Variants in ROR1 observed in about 807,000 individuals in gnomAD.
The protein encoded by ROR1 is ROR family WNT receptor 1.
ROR1 carries 19 observed loss-of-function variants against 78.8 expected under a neutral mutation model. That is an observed-to-expected ratio of 0.24 (90% CI 0.17 to 0.35). The LOEUF (loss-of-function observed/expected upper bound fraction) is 0.35, where lower values mean the gene tolerates loss of function less well. Among genes scored for constraint, ROR1 ranks in the 10% least tolerant of loss-of-function variants. The pLI is 1.00. For synonymous variants in ROR1, 386 were observed against 433.6 expected (o/e 0.89, Z 1.36); for missense variants, 917 against 1,177.8 (o/e 0.78, Z 3.24).
chr1:63,983,884 C>T (rs1646230704), intron 1 of ROR1, among the ~76,000 whole-genome samples: 1 of 152,092 alleles, frequency 6.6e-6, no homozygotes, highest in Non-Finnish European at 1.5e-5. Context: ...TGCTTCCTTG[C>T]CAGATCAAAT....
intron 1 of ROR1, among the ~76,000 whole-genome samples, chr1:63,859,429 A>G (rs1446633425): frequency 6.6e-6 from 1 of 152,062 alleles, no homozygotes; most frequent in Non-Finnish European, 1.5e-5. Context: ...TTTAATAGTA[A>G]ATATGTTAGT....
chr1:64,169,215 T>A (rs1267505885), intron 8 of ROR1, among the ~76,000 whole-genome samples: 1 of 152,226 alleles, frequency 6.6e-6, no homozygotes, highest in Non-Finnish European at 1.5e-5. Context: ...CTGCTCATCA[T>A]TCCTCTGATG....
At chr1:64,050,637 C>A in intron 3 of ROR1, 49 bp from the exon 4 acceptor site, 2 of 1,572,096 alleles carry the variant, frequency 1.3e-6, no homozygotes, top group South Asian at 1.1e-5. Flanking sequence ...TACTCACCCT[C>A]CAATAACCTA....
In ROR1 at chr1:64,132,783, A is replaced by AAG. The variant is rs1553160621; in HGVS notation, c.483-4576_483-4575dup. On this transcript the variant is annotated intron_variant, in intron 4 of 8. Transcript: ENST00000371079. ...CTCAAAAAAAAAAAAAAAAAAAAAA[A>AAG]AGAGAGAGAGATAGGCATTTTAACT... Among the ~76,000 whole-genome samples the AAG allele has an allele frequency of 7.3e-3, 998 of 136,536 alleles. 37 individuals carry two copies. The highest frequency in any genetic ancestry group is 0.012 in the Middle Eastern group (3 of 258). The allele number at this position is 136,536 out of a possible 152,430, so 89.6% of individuals were successfully genotyped here.
chr1:64,172,130 G>T (rs2100741474), intron 8 of ROR1, among the ~76,000 whole-genome samples: 1 of 152,254 alleles, frequency 6.6e-6, no homozygotes, highest in East Asian at 1.9e-4. Context: ...AAAGTTAAGA[G>T]ATCTAAAAGT....
At chr1:64,081,206 G>A (rs1329023625) in intron 4 of ROR1, among the ~76,000 whole-genome samples, 1 of 152,122 alleles carries the variant, frequency 6.6e-6, no homozygotes, top group Non-Finnish European at 1.5e-5. Flanking sequence ...AGCAGTCATA[G>A]GGAAATCATT....
At chr1:64,050,539 G>C (rs1164085784) in intron 3 of ROR1, 147 bp from the exon 4 acceptor site, 9 of 760,276 alleles carry the variant, frequency 1.2e-5, no homozygotes, top group Non-Finnish European at 1.8e-5. Flanking sequence ...ATGGTTGGGG[G>C]AATAGAGCAA....
chr1:63,886,711 C>G (rs1374662068), intron 1 of ROR1, among the ~76,000 whole-genome samples: 3 of 152,110 alleles, frequency 2.0e-5, no homozygotes, highest in African/African-American at 4.8e-5. Flanking sequence ...TCTACTAGAG[C>G]TCATATTTCT....
intron 4 of ROR1, among the ~76,000 whole-genome samples, chr1:64,129,727 A>G (rs1163449387): frequency 6.6e-6 from 1 of 152,238 alleles, no homozygotes; most frequent in African/African-American, 2.4e-5. Flanking sequence ...TCTTGCAAAT[A>G]CTGTACTAGT....
At chr1:64,087,949 G>C (rs1308935830) in intron 4 of ROR1, among the ~76,000 whole-genome samples, 1 of 152,162 alleles carries the variant, frequency 6.6e-6, no homozygotes, top group Non-Finnish European at 1.5e-5. Flanking sequence ...CCAGTACACT[G>C]GGTGGCCTGT....
At chr1:63,799,878 A>G (rs979418956) in intron 1 of ROR1, among the ~76,000 whole-genome samples, 17 of 152,220 alleles carry the variant, frequency 1.1e-4, no homozygotes, top group African/African-American at 3.4e-4. Flanking sequence ...CGAGGGAGAC[A>G]GTGGGAGCTG....
chr1:63,977,978 G>A (rs1033153531), intron 1 of ROR1, among the ~76,000 whole-genome samples: 5 of 152,146 alleles, frequency 3.3e-5, no homozygotes, highest in Admixed American at 1.3e-4. Flanking sequence ...ACGATAGTCT[G>A]CACAGATTTT....
At chr1:63,883,109 G>A (rs1307666945) in intron 1 of ROR1, among the ~76,000 whole-genome samples, 1 of 152,160 alleles carries the variant, frequency 6.6e-6, no homozygotes, top group Non-Finnish European at 1.5e-5. Flanking sequence ...TTTCCTGTCC[G>A]AGAAGTGAGG....
At chr1:63,960,914 A>T (rs1290826681) in intron 1 of ROR1, among the ~76,000 whole-genome samples, 1 of 152,196 alleles carries the variant, frequency 6.6e-6, no homozygotes, top group African/African-American at 2.4e-5. Context: ...GGGAGTCTGA[A>T]AATATTTTTT....
At chr1:63,901,880 TAAAC>T (rs1227247335) in intron 1 of ROR1, among the ~76,000 whole-genome samples, 1 of 151,442 alleles carries the variant, frequency 6.6e-6, no homozygotes. Flanking sequence ...GAAAGATAAA[TAAAC>T]AAAGATACTC....
intron 2 of ROR1, among the ~76,000 whole-genome samples, chr1:64,034,734 CAG>C (rs1250996211): frequency 3.9e-5 from 6 of 152,148 alleles, no homozygotes; most frequent in Non-Finnish European, 8.8e-5. Flanking sequence ...ATCAGAGGGT[CAG>C]GGGATGTGTT....
chr1:64,090,494 A>G (rs557411959), intron 4 of ROR1, among the ~76,000 whole-genome samples: 45 of 152,338 alleles, frequency 3.0e-4, no homozygotes, highest in South Asian at 8.3e-4. Context: ...AAGTGTACAT[A>G]CAGCAACAAT....
intron 4 of ROR1, among the ~76,000 whole-genome samples, chr1:64,118,102 C>T (rs916781428): frequency 2.0e-5 from 3 of 152,094 alleles, no homozygotes; most frequent in African/African-American, 7.2e-5. Flanking sequence ...ACCCGGGAGG[C>T]TAAGGTGGGA....
rs548823089 is a variant in ROR1 at position 64,179,127 on chromosome 1, G to C, written c.*272G>C. ...TTGGGATTGGAACATGTGGTTTCGA[G>C]CACTGAAAGCTGCAAACCAGTGAAG... is the stretch of plus-strand genomic sequence containing the variant. On this transcript the variant is annotated 3_prime_UTR_variant, in exon 9 of 9. Coordinates refer to ENST00000371079, the MANE Select transcript of ROR1 (RefSeq NM_005012.4). The C allele has an allele frequency of 1.5e-4, 48 of 321,834 alleles. No individual in the cohort carries two copies. The highest frequency in any genetic ancestry group is 1.0e-3 in the African/African-American group (46 of 46,130). 19.9% of individuals were successfully genotyped at this position (321,834 alleles called of 1,614,324 possible). A position where few individuals can be genotyped will look rare whatever the true frequency, so the allele number is the denominator to read the frequency against.
Sources: gnomAD v4.1 joint callset for allele counts (sites outside exome capture counted in the v4.1 genomes callset) on GRCh38, gnomAD v4.1.1 for gene constraint, MANE v1.5 for transcripts, NCBI Gene and HGNC (gene_info 2026-07-23, HGNC 2026-07-21) for gene names.